FAT2: variants seen among roughly 807,000 people sequenced by gnomAD.
FAT2 encodes the protein FAT atypical cadherin 2, also known as protocadherin Fat 2.
A neutral mutation model predicts 295.3 loss-of-function variants in FAT2; 150 were observed. That is an observed-to-expected ratio of 0.51 (90% CI 0.44 to 0.58). The LOEUF (loss-of-function observed/expected upper bound fraction) is 0.58, where lower values mean the gene tolerates loss of function less well. Among genes scored for constraint, FAT2 ranks in the 20% least tolerant of loss-of-function variants. The pLI is 0.00. For missense variants in FAT2, 4,868 were observed against 5,442.7 expected, an observed-to-expected ratio of 0.89 and a Z score of 3.32; for synonymous variants, 2,026 against 2,150.3, an observed-to-expected ratio of 0.94 and a Z score of 1.60.
intron 19 of FAT2, among the ~76,000 whole-genome samples, chr5:151,519,416 T>C (rs544474316): frequency 5.9e-5 from 9 of 152,344 alleles, no homozygotes; most frequent in African/African-American, 2.2e-4. Context: ...TAGGTACTTA[T>C]TGGATGGGAT....
rs779646554 is a variant in FAT2, at chr5:151,544,377, C to G, written c.6750G>C (p.Leu2250=). The change falls in exon 10 of 24, where the codon CTG becomes CTC. Residue 2250 remains leucine (L), a synonymous_variant. Transcript: ENST00000261800. ...CCACTGTGGCTTCAGAAAATGACCC[C>G]AGAGCTGTATCCGTGGCTCTGACTG... ...VFTVRATDTA[L]GSFSEATVEV... is the part of the protein sequence containing the mutation. 2 of 1,614,174 alleles carry G rather than the reference C, an allele frequency of 1.2e-6. No individual in the cohort carries two copies. The highest frequency in any genetic ancestry group is 3.3e-5 in the Admixed American group (2 of 60,020).
Position 151,512,853 on chromosome 5 carries a change from G to T in FAT2, c.11464-247C>A. 1 of 533,480 alleles carries T rather than the reference G, an allele frequency of 1.9e-6. No individual in the cohort carries two copies. Among genetic ancestry groups the T allele is most frequent in the Non-Finnish European group, 3.4e-6 (1 of 298,200 alleles). The allele number at this position is 533,480 out of a possible 1,614,324, so 33.0% of individuals were successfully genotyped here. A position where few individuals can be genotyped will look rare whatever the true frequency, so the allele number is the denominator to read the frequency against. The stretch of plus-strand genomic sequence containing the variant: ...GGGTGACATCTCCATTCACAGATGA[G>T]GAAACTGAGGCCGAGAGATGCTTTG... On this transcript the variant is annotated intron_variant, in intron 20 of 23. Coordinates refer to ENST00000261800, the MANE Select transcript of FAT2 (RefSeq NM_001447.3). This position sits in a 1 kb window ranked among gnomAD's most constrained non-coding sequence, Gnocchi z 4.1.
rs754056078 is a variant in FAT2, at chr5:151,566,970, C to G, written c.1962G>C (p.Leu654Phe). Reference sequence around the variant, plus strand: ...GAGGGTCCTTCACCACAGTAATATTCAAAGTTGTGGGTGAGGCATAGTTTT... The same window carrying G: ...GAGGGTCCTTCACCACAGTAATATTGAAAGTTGTGGGTGAGGCATAGTTTT... ...DGKNYASPTTLNITVVKDPHF... is the reference protein window; with the variant it reads ...DGKNYASPTTFNITVVKDPHF... Residue 654 changes from leucine to phenylalanine, a missense_variant, in exon 2 of 24, where the codon TTG becomes TTC. Around this residue, in one of 5 missense-constraint regions of FAT2, gnomAD observed 3,297 missense variants for 3,669.4 expected, o/e 0.90. Coordinates refer to ENST00000261800, the MANE Select transcript of FAT2 (RefSeq NM_001447.3). 6.2e-6 allele frequency: 10 copies of G among 1,613,930 alleles called. No individual in the cohort carries two copies. In the Admixed American group the frequency reaches 1.7e-4, roughly 27 times the overall value.
intron 12 of FAT2, among the ~76,000 whole-genome samples, chr5:151,534,968 AAAATATATATATATAT>A (rs1755076486): frequency 1.9e-5 from 1 of 52,712 alleles, no homozygotes; most frequent in Non-Finnish European, 3.4e-5. Context: ...CACTTCTAGG[AAAATATATATATATAT>A]ATATATATAT....
intron 3 of FAT2, among the ~76,000 whole-genome samples, chr5:151,557,155 C>T (rs888517969): frequency 6.6e-6 from 1 of 152,140 alleles, no homozygotes; most frequent in Non-Finnish European, 1.5e-5. Context: ...TGCTGTGATG[C>T]AGTTTTGGTT....
In FAT2 at chr5:151,534,493, G is replaced by A; in HGVS notation, c.9343C>T (p.Pro3115Ser). Residue 3115 changes from proline (P) to serine (S), a missense_variant, in exon 13 of 24, where the codon CCC becomes TCC. This residue lies in a region of FAT2 where 1,046 missense variants were observed against 1,210.1 expected (regional missense o/e 0.86). Transcript: ENST00000261800. ...DVNDNAPRFF[P>S]SHCAVAVFDN... Reference sequence around the variant, plus strand: ...AAGACAGCCACAGCACAGTGGCTGGGGAAGAACCGCGGGGCATTGTCATTC... The same window carrying A: ...AAGACAGCCACAGCACAGTGGCTGGAGAAGAACCGCGGGGCATTGTCATTC... The A allele has an allele frequency of 6.2e-7, 1 of 1,614,056 alleles. No individual in the cohort carries two copies.
Position 151,527,346 on chromosome 5 carries a change from G to A in FAT2, c.10196C>T (p.Thr3399Ile). ...ATGCAGTGGAGGCTGCCCACTGTCTGTGGCTCGGAGCTTCAGGGAATAACT... is the reference window on the plus strand; with the variant it reads ...ATGCAGTGGAGGCTGCCCACTGTCTATGGCTCGGAGCTTCAGGGAATAACT... ...ASSYSLKLRA[T>I]DSGQPPLHED... The change falls in exon 17 of 24, where the codon ACA becomes ATA. Residue 3399 changes from threonine (T) to isoleucine (I), a missense_variant. Around this residue, in one of 5 missense-constraint regions of FAT2, gnomAD observed 1,046 missense variants for 1,210.1 expected, o/e 0.86. Coordinates refer to ENST00000261800, the MANE Select transcript of FAT2 (RefSeq NM_001447.3). 6.2e-7 allele frequency: 1 copy of A among 1,612,394 alleles called. No individual in the cohort carries two copies. The highest frequency in any genetic ancestry group is 1.3e-5 in the African/African-American group (1 of 74,944).
Position 151,521,874 on chromosome 5 carries a change from G to C in FAT2, c.10719C>G (p.Thr3573=), listed in dbSNP as rs1299249819. The change falls in exon 19 of 24, where the codon ACC becomes ACG. Residue 3573 remains threonine, a synonymous_variant. Transcript: ENST00000261800. The part of the protein sequence containing the change: ...TLTYSLAEEE[T]LGRHFSVGAP... ...CACCCACTGAGAAGTGCCTGCCCAG[G>C]GTCTCCTCTTCTGCCAGGCTATAGG... 6.2e-7 allele frequency: 1 copy of C among 1,614,118 alleles called. No homozygotes were observed. Among genetic ancestry groups the C allele is most frequent in the Admixed American group, 1.7e-5 (1 of 60,026 alleles).
chr5:151,576,209 C>T (rs909647860), intron 1 of FAT2, among the ~76,000 whole-genome samples: 4 of 152,170 alleles, frequency 2.6e-5, no homozygotes, highest in African/African-American at 9.7e-5. Context: ...TTCACGTATA[C>T]TTAGCAGTAT....
chr5:151,588,978 T>A (rs1561892169), intron 1 of FAT2, among the ~76,000 whole-genome samples: 1 of 152,206 alleles, frequency 6.6e-6, no homozygotes, highest in African/African-American at 2.4e-5. Context: ...ACATGGCTAA[T>A]AATATCCGGG....
chr5:151,532,361 T>C (rs1222908423), intron 13 of FAT2, among the ~76,000 whole-genome samples: 1 of 150,522 alleles, frequency 6.6e-6, no homozygotes, highest in Non-Finnish European at 1.5e-5. Flanking sequence ...TGGAATAATA[T>C]TGCATAGAAC....
chr5:151,593,791 C>T (rs1759498882), upstream of FAT2, among the ~76,000 whole-genome samples: 1 of 152,090 alleles, frequency 6.6e-6, no homozygotes, highest in Non-Finnish European at 1.5e-5. Context: ...ATCACGAGGT[C>T]AGGAGGTCGA....
chr5:151,537,294 G>A (rs1209643783), intron 12 of FAT2, among the ~76,000 whole-genome samples: 1 of 146,424 alleles, frequency 6.8e-6, no homozygotes, highest in Non-Finnish European at 1.5e-5. Context: ...GGAGGAGGAG[G>A]AGGGAGAGAG....
Position 151,505,973 on chromosome 5 carries a change from G to T in FAT2, c.12642C>A (p.Val4214=). ...PPSAHRHSTP[V]VMPEPNGLYG... Reference sequence around the variant, plus strand: ...AGAGGCCATTAGGCTCTGGCATCACGACTGGGGTTGAGTGGCGGTGAGCCG... The same window carrying T: ...AGAGGCCATTAGGCTCTGGCATCACTACTGGGGTTGAGTGGCGGTGAGCCG... Residue 4214 remains valine, a synonymous_variant, in exon 24 of 24, where the codon GTC becomes GTA. Coordinates refer to ENST00000261800, the MANE Select transcript of FAT2 (RefSeq NM_001447.3). 6.4e-7 allele frequency: 1 copy of T among 1,572,930 alleles called. No homozygotes were observed. The highest frequency in any genetic ancestry group is 8.6e-7 in the Non-Finnish European group (1 of 1,163,704).
intron 8 of FAT2, among the ~76,000 whole-genome samples, chr5:151,550,262 G>A (rs1048801341): frequency 6.6e-6 from 1 of 152,140 alleles, no homozygotes; most frequent in Non-Finnish European, 1.5e-5. Context: ...AGTGGGAGAG[G>A]CTCTGTGTCC....
chr5:151,541,553 C>CA (rs1443198739), intron 10 of FAT2, among the ~76,000 whole-genome samples: 1 of 152,072 alleles, frequency 6.6e-6, no homozygotes, highest in Non-Finnish European at 1.5e-5. Flanking sequence ...GAGCCATGTT[C>CA]ATGGGAATGG....
chr5:151,513,152 T>C (rs1761452466), intron 20 of FAT2, among the ~76,000 whole-genome samples: 1 of 152,234 alleles, frequency 6.6e-6, no homozygotes, highest in Non-Finnish European at 1.5e-5. Context: ...AACTGATGAA[T>C]GCAGAAGTAA....
rs138944475 is a variant in FAT2 at position 151,543,696 on chromosome 5, G to A, written c.7431C>T (p.Tyr2477=). The change falls in exon 10 of 24, where the codon TAC becomes TAT. Residue 2477 remains tyrosine (Y), a synonymous_variant. Transcript: ENST00000261800. ...VYINTTNANK[Y]SPEFQQHLYE... ...AAAGGTGCTGCTGGAACTCTGGGCTGTACTTGTTGGCATTTGTAGTGTTGA... is the reference window on the plus strand; with the variant it reads ...AAAGGTGCTGCTGGAACTCTGGGCTATACTTGTTGGCATTTGTAGTGTTGA... 6 of 1,614,092 alleles carry A rather than the reference G, an allele frequency of 3.7e-6. No individual in the cohort carries two copies. The highest frequency in any genetic ancestry group is 3.3e-5 in the Admixed American group (2 of 60,006).
rs1413999599 is a variant in FAT2, at chr5:151,527,241, G to A, written c.10301C>T (p.Thr3434Ile). Residue 3434 changes from threonine to isoleucine, a missense_variant, in exon 17 of 24, where the codon ACT (threonine) becomes ATT (isoleucine). Thr to Ile is a moderately conservative substitution (Grantham distance 89). This residue lies in a region of FAT2 where 1,046 missense variants were observed against 1,210.1 expected (regional missense o/e 0.86). Coordinates refer to ENST00000261800, the MANE Select transcript of FAT2 (RefSeq NM_001447.3). ...PRFFQLNYST[T>I]VQENSPIGSK... Reference sequence around the variant, plus strand: ...TTGGAGGCTCAAGCTTACCTGGACAGTGGTGCTGTAGTTGAGCTGGAAGAA... The same window carrying A: ...TTGGAGGCTCAAGCTTACCTGGACAATGGTGCTGTAGTTGAGCTGGAAGAA... 6.2e-7 allele frequency: 1 copy of A among 1,609,582 alleles called. No individual in the cohort carries two copies. Among genetic ancestry groups the A allele is most frequent in the African/African-American group, 1.3e-5 (1 of 74,748 alleles).
Sources: gnomAD v4.1 joint callset for allele counts (sites outside exome capture counted in the v4.1 genomes callset) on GRCh38, gnomAD v4.1.1 for gene constraint, gnomAD v4.1.1 regional missense constraint, Gnocchi (gnomAD v3.1) non-coding constraint, MANE v1.5 for transcripts, NCBI Gene and HGNC (gene_info 2026-07-23, HGNC 2026-07-21) for gene names.